Variants in IGSF11 observed in about 807,000 individuals in gnomAD.
IGSF11 encodes the protein CXADR like 1.
A neutral mutation model predicts 41.0 loss-of-function variants in IGSF11; 22 were observed. That is an observed-to-expected ratio of 0.54 (90% CI 0.38 to 0.77). IGSF11 has a LOEUF of 0.77. Ranked by LOEUF, IGSF11 falls within the 30% of genes least tolerant of loss-of-function variation. The probability of loss-of-function intolerance (pLI) is 0.00; values close to 1 mark genes in which losing one functional copy is unlikely to be tolerated. For synonymous variants in IGSF11, 219 were observed against 201.3 expected (o/e 1.09, Z -0.74); for missense variants, 444 against 530.8 (o/e 0.84, Z 1.61).
intron 1 of IGSF11, among the ~76,000 whole-genome samples, chr3:119,032,107 A>G (rs1366759096): frequency 6.6e-6 from 1 of 152,240 alleles, no homozygotes; most frequent in Admixed American, 6.5e-5. Flanking sequence ...AGAAACAGAA[A>G]TTTATTAACA....
exon 1 of IGSF11, chr3:119,105,185 A>C: frequency 1.2e-6 from 2 of 1,605,092 alleles, no homozygotes; most frequent in Non-Finnish European, 1.7e-6. Flanking sequence ...AAGTTCCACC[A>C]GAGACATTTA....
intron 1 of IGSF11, among the ~76,000 whole-genome samples, chr3:119,086,305 A>G (rs1004571822): frequency 2.0e-5 from 3 of 152,224 alleles, no homozygotes; most frequent in African/African-American, 7.2e-5. Context: ...AGTAACTTGG[A>G]AAACATATTT....
At chr3:118,996,154 T>A (rs1467231153) in intron 1 of IGSF11, among the ~76,000 whole-genome samples, 1 of 152,238 alleles carries the variant, frequency 6.6e-6, no homozygotes, top group Non-Finnish European at 1.5e-5. Context: ...ACTTGGCTTA[T>A]CTAAAGATAC....
intron 1 of IGSF11, among the ~76,000 whole-genome samples, chr3:118,956,458 C>T (rs759219207): frequency 6.6e-6 from 1 of 152,152 alleles, no homozygotes; most frequent in Non-Finnish European, 1.5e-5. Context: ...AGATGTGTAG[C>T]TCTTCCCTTT....
chr3:119,118,260 G>A (rs1448838818), intron 1 of IGSF11, among the ~76,000 whole-genome samples: 2 of 152,192 alleles, frequency 1.3e-5, no homozygotes, highest in East Asian at 3.9e-4. Flanking sequence ...GCAGCAAACT[G>A]CTTCCTGGAC....
chr3:119,112,560 G>A (rs1352492453), intron 1 of IGSF11: 1 of 152,664 alleles, frequency 6.6e-6, no homozygotes. Flanking sequence ...GTGAGGCAAT[G>A]CCTTGCCCTG....
intron 1 of IGSF11, among the ~76,000 whole-genome samples, chr3:118,989,567 G>T (rs1158799279): frequency 6.6e-6 from 1 of 152,090 alleles, no homozygotes; most frequent in Non-Finnish European, 1.5e-5. Flanking sequence ...TGTTAGCCAG[G>T]ATGGTCTCGA....
chr3:119,014,537 A>T lies in IGSF11; in HGVS notation c.52+19994T>A, dbSNP rs375215811. ...CCAAGAAGAGATGATTTTTGACCCT[A>T]AAGAAGTTAAAATTAGTTTGAATAA... On this transcript the variant is annotated intron_variant, in intron 1 of 6. Coordinates refer to ENST00000393775, the MANE Select transcript of IGSF11 (RefSeq NM_001015887.3). 5.0e-4 allele frequency among the ~76,000 whole-genome samples: 76 copies of T among 152,358 alleles called. No individual in the cohort carries two copies. In the South Asian group the frequency reaches 6.4e-3, roughly 13 times the overall value.
At chr3:119,105,646 T>C (rs1255593064), upstream of IGSF11, among the ~76,000 whole-genome samples, 1 of 152,180 alleles carries the variant, frequency 6.6e-6, no homozygotes, top group Non-Finnish European at 1.5e-5. Context: ...ACATAAATGG[T>C]GAGGAGTAAA....
chr3:118,971,802 CAA>C lies in IGSF11; in HGVS notation c.53-41529_53-41528del, dbSNP rs11370113. ...TGGAAGACAGAGGGAGACTCCGTCT[CAA>C]AAAAAAAAAAAAAAAGAAGAAACTA... On this transcript the variant is annotated intron_variant, in intron 1 of 6. Transcript: ENST00000393775. 2.1e-4 allele frequency among the ~76,000 whole-genome samples: 19 copies of C among 88,936 alleles called. 1 individual carries two copies. Among genetic ancestry groups the C allele is most frequent in the East Asian group, 3.8e-4 (1 of 2,606 alleles). The allele number at this position is 88,936 out of a possible 152,430, so 58.3% of individuals were successfully genotyped here.
intron 1 of IGSF11, among the ~76,000 whole-genome samples, chr3:118,971,046 C>G (rs1436342315): frequency 6.6e-6 from 1 of 152,154 alleles, no homozygotes; most frequent in African/African-American, 2.4e-5. Flanking sequence ...CTGCTGAGCT[C>G]TGGAGCTCAC....
At chr3:118,904,601 T>C (rs770080477) in intron 6 of IGSF11, 47 bp downstream of exon 6, 2 of 1,366,622 alleles carry the variant, frequency 1.5e-6, no homozygotes, top group East Asian at 4.6e-5. Flanking sequence ...TGAATAGAAG[T>C]ACACAATGGC....
chr3:118,902,625 C>A lies in IGSF11; in HGVS notation c.1191G>T (p.Arg397=). 1 of 1,614,054 alleles carries A rather than the reference C, an allele frequency of 6.2e-7. No individual in the cohort carries two copies. The highest frequency in any genetic ancestry group is 8.5e-7 in the Non-Finnish European group (1 of 1,179,964). ...RSNGSVSRKP[R]PPHTHSYTIS... ...TGGTGTAGGAATGAGTGTGTGGAGG[C>A]CGAGGCTTCCTACTGACTGAGCCAT... is the stretch of plus-strand genomic sequence containing the variant. The change falls in exon 7 of 7, where the codon CGG becomes CGT. Residue 397 remains arginine, a synonymous_variant. Transcript: ENST00000393775.
At chr3:118,970,457 T>C (rs190144131) in intron 1 of IGSF11, among the ~76,000 whole-genome samples, 3 of 152,278 alleles carry the variant, frequency 2.0e-5, no homozygotes, top group Non-Finnish European at 4.4e-5. Flanking sequence ...CTGGCATGAA[T>C]GTTCAATGGG....
Position 118,902,071 on chromosome 3 carries a change from G to A in IGSF11, c.*449C>T, listed in dbSNP as rs1460781441. 6.2e-6 allele frequency: 1 copy of A among 161,520 alleles called. No individual in the cohort carries two copies. Among genetic ancestry groups the A allele is most frequent in the African/African-American group, 2.4e-5 (1 of 41,518 alleles). 10.0% of individuals were successfully genotyped at this position (161,520 alleles called of 1,614,324 possible). A position where few individuals can be genotyped will look rare whatever the true frequency, so the allele number is the denominator to read the frequency against. ...ACCATTAAGCCCTCTATATAACGAG[G>A]GAATTGGGAGAGACGGAACATATCA... On this transcript the variant is annotated 3_prime_UTR_variant, in exon 7 of 7. Coordinates refer to ENST00000393775, the MANE Select transcript of IGSF11 (RefSeq NM_001015887.3).
chr3:119,085,393 G>GTACTCAAA (rs1205364363), intron 1 of IGSF11, among the ~76,000 whole-genome samples: 21 of 152,170 alleles, frequency 1.4e-4, no homozygotes, highest in Admixed American at 5.9e-4. Context: ...AACCGACTGT[G>GTACTCAAA]TACTCAAATT....
intron 4 of IGSF11, among the ~76,000 whole-genome samples, chr3:118,912,739 G>A (rs1254177279): frequency 6.6e-6 from 1 of 152,172 alleles, no homozygotes; most frequent in African/African-American, 2.4e-5. Context: ...AGAGCATAAA[G>A]TTATGTGAAG....
chr3:119,073,110 T>C (rs1395898237), intron 1 of IGSF11, among the ~76,000 whole-genome samples: 1 of 152,060 alleles, frequency 6.6e-6, no homozygotes, highest in Non-Finnish European at 1.5e-5. Flanking sequence ...GGTGTGTTTA[T>C]AAACCTTGAG....
chr3:118,927,062 G>A (rs1230694944), intron 3 of IGSF11, among the ~76,000 whole-genome samples: 1 of 151,968 alleles, frequency 6.6e-6, no homozygotes, highest in Non-Finnish European at 1.5e-5. Context: ...ATGAAAAAAT[G>A]AATGCAGAGT....
Sources: allele counts gnomAD v4.1 joint callset (sites outside exome capture counted in the v4.1 genomes callset), GRCh38; gene constraint gnomAD v4.1.1; transcripts MANE v1.5; gene names NCBI Gene and HGNC (gene_info 2026-07-23, HGNC 2026-07-21).